PEAK1: variants seen among roughly 807,000 people sequenced by gnomAD.
PEAK1 encodes inactive tyrosine-protein kinase PEAK1.
In PEAK1, 54 loss-of-function variants were observed where a neutral mutation model predicts 124.7. That is an observed-to-expected ratio of 0.43 (90% CI 0.35 to 0.54). PEAK1 has a LOEUF of 0.54. Ranked by LOEUF, PEAK1 falls within the 20% of genes least tolerant of loss-of-function variation. The probability of loss-of-function intolerance (pLI) is 0.01; values close to 1 mark genes in which losing one functional copy is unlikely to be tolerated. For synonymous variants in PEAK1, 719 were observed against 760.0 expected (o/e 0.95, Z 0.89); for missense variants, 2,046 against 2,134.5 (o/e 0.96, Z 0.82).
chr15:77,383,612 G>GCTAT (rs2069672639), intron 1 of PEAK1, among the ~76,000 whole-genome samples: 1 of 151,978 alleles, frequency 6.6e-6, no homozygotes, highest in South Asian at 2.1e-4. Context: ...GCTACCCAAG[G>GCTAT]CTATACTCAG....
At chr15:77,320,631 AG>A (rs1354145752) in intron 2 of PEAK1, among the ~76,000 whole-genome samples, 2 of 152,148 alleles carry the variant, frequency 1.3e-5, no homozygotes, top group African/African-American at 4.8e-5. Flanking sequence ...TCTGTGCCAA[AG>A]TTTAAGACTT....
chr15:77,358,075 G>C (rs2067636018), intron 2 of PEAK1, among the ~76,000 whole-genome samples: 1 of 152,116 alleles, frequency 6.6e-6, no homozygotes, highest in African/African-American at 2.4e-5. Flanking sequence ...TCCCTCAGAA[G>C]AAAGAAGCCA....
intron 2 of PEAK1, chr15:77,334,883 A>G (rs2066102426): frequency 1.0e-6 from 1 of 985,210 alleles, no homozygotes; most frequent in South Asian, 4.7e-5. Flanking sequence ...ATCCTGTCAG[A>G]TTGCTTCCTT....
At chr15:77,241,710 A>G (rs2152912236) in intron 6 of PEAK1, among the ~76,000 whole-genome samples, 1 of 152,074 alleles carries the variant, frequency 6.6e-6, no homozygotes, top group African/African-American at 2.4e-5. Context: ...AAAAAAAATA[A>G]CTTTCAGATC....
chr15:77,406,927 CG>C (rs1279422642), intron 1 of PEAK1, among the ~76,000 whole-genome samples: 1 of 152,050 alleles, frequency 6.6e-6, no homozygotes, highest in Non-Finnish European at 1.5e-5. Context: ...AAAATAGGCA[CG>C]TAGACCAATT....
chr15:77,331,102 T>G (rs2065867049), intron 2 of PEAK1: 1 of 658,430 alleles, frequency 1.5e-6, no homozygotes, highest in South Asian at 6.9e-5. Context: ...ATTGAATCAA[T>G]TTTCTATTTT....
intron 1 of PEAK1, among the ~76,000 whole-genome samples, chr15:77,411,053 A>G (rs1360092400): frequency 1.3e-5 from 2 of 152,192 alleles, no homozygotes; most frequent in Non-Finnish European, 2.9e-5. Context: ...TACATGTTGT[A>G]ATTATTTTTA....
At chr15:77,265,153 T>G (rs2061652887) in intron 5 of PEAK1, among the ~76,000 whole-genome samples, 1 of 152,086 alleles carries the variant, frequency 6.6e-6, no homozygotes, top group Admixed American at 6.6e-5. Flanking sequence ...ATAAAAACCC[T>G]AGAAGAAAAC....
chr15:77,183,222 C>T (rs1418669020), intron 6 of PEAK1, among the ~76,000 whole-genome samples: 1 of 152,140 alleles, frequency 6.6e-6, no homozygotes, highest in Non-Finnish European at 1.5e-5. Context: ...CATTGGAACG[C>T]CAGTCACACT....
chr15:77,256,483 T>A (rs559072786), intron 5 of PEAK1, among the ~76,000 whole-genome samples: 1 of 152,292 alleles, frequency 6.6e-6, no homozygotes, highest in East Asian at 1.9e-4. Context: ...AGGAGATTTT[T>A]AATCATAAAG....
chr15:77,207,129 G>T (rs867415573), intron 6 of PEAK1, among the ~76,000 whole-genome samples: 5 of 151,800 alleles, frequency 3.3e-5, no homozygotes, highest in African/African-American at 4.8e-5. Context: ...ATGGATTAAA[G>T]ACTTAAACGT....
intron 9 of PEAK1, among the ~76,000 whole-genome samples, chr15:77,129,954 T>C (rs186171492): frequency 4.9e-4 from 74 of 152,304 alleles, no homozygotes; most frequent in African/African-American, 1.6e-3. Context: ...GTACAATCAA[T>C]TGGGCACTTC....
chr15:77,317,476 G>C (rs2064950427), intron 2 of PEAK1, among the ~76,000 whole-genome samples: 1 of 151,942 alleles, frequency 6.6e-6, no homozygotes, highest in African/African-American at 2.4e-5. Context: ...ACATACTATA[G>C]GTAAATTTAT....
intron 5 of PEAK1, among the ~76,000 whole-genome samples, chr15:77,282,836 CCT>C (rs2062739367): frequency 1.3e-5 from 2 of 152,068 alleles, no homozygotes. Flanking sequence ...GAAACTAGCT[CCT>C]GAGTTATCTC....
chr15:77,340,969 T>A (rs970243127), intron 2 of PEAK1, among the ~76,000 whole-genome samples: 10 of 151,712 alleles, frequency 6.6e-5, no homozygotes, highest in Non-Finnish European at 1.0e-4. Flanking sequence ...TTTTTTTTTT[T>A]AATACAGGGT....
chr15:77,333,378 G>A, intron 2 of PEAK1: 1 of 983,154 alleles, frequency 1.0e-6, no homozygotes, highest in South Asian at 4.7e-5. Context: ...GAAACCAATG[G>A]TGGTTTTGTG....
chr15:77,238,551 C>A (rs1567152423), intron 6 of PEAK1, among the ~76,000 whole-genome samples: 2 of 152,276 alleles, frequency 1.3e-5, no homozygotes, highest in Middle Eastern at 3.4e-3. Context: ...TACTCTCCTT[C>A]ATGATATTAG....
chr15:77,109,172 C>A lies in PEAK1; in HGVS notation c.*4984G>T, dbSNP rs1230646406. Reference sequence around the variant, plus strand: ...CAAACCTATTTAAACTACCATATCTCTTTAAAAAAATCTTCCGCTCTCAGT... The same window carrying A: ...CAAACCTATTTAAACTACCATATCTATTTAAAAAAATCTTCCGCTCTCAGT... On this transcript the variant is annotated 3_prime_UTR_variant, in exon 10 of 10. Coordinates refer to ENST00000682557, the MANE Select transcript of PEAK1 (RefSeq NM_001385026.1). The A allele has an allele frequency of 6.6e-6, 1 of 152,162 alleles. No homozygotes were observed. The highest frequency in any genetic ancestry group is 1.5e-5 in the Non-Finnish European group (1 of 68,034). 9.4% of individuals were successfully genotyped at this position (152,162 alleles called of 1,614,324 possible).
At chr15:77,174,222 G>A (rs748118248) in intron 7 of PEAK1, among the ~76,000 whole-genome samples, 2 of 152,110 alleles carry the variant, frequency 1.3e-5, no homozygotes, top group Admixed American at 6.5e-5. Flanking sequence ...ATAATGAAGG[G>A]CTCTATAAAG....
Sources: allele counts gnomAD v4.1 joint callset (sites outside exome capture counted in the v4.1 genomes callset), GRCh38; gene constraint gnomAD v4.1.1; transcripts MANE v1.5; gene names NCBI Gene and HGNC (gene_info 2026-07-23, HGNC 2026-07-21).